Variants in PAK5 observed in about 807,000 individuals in gnomAD.
The protein encoded by PAK5 is p21 (RAC1) activated kinase 5.
PAK5 carries 16 observed loss-of-function variants against 65.9 expected under a neutral mutation model. That is an observed-to-expected ratio of 0.24 (90% CI 0.16 to 0.37). The LOEUF (loss-of-function observed/expected upper bound fraction) is 0.37, where lower values mean the gene tolerates loss of function less well. Ranked by LOEUF, PAK5 falls within the 10% of genes least tolerant of loss-of-function variation. The pLI, the probability that PAK5 is intolerant of heterozygous loss-of-function variation, is 1.00. For synonymous variants in PAK5, 371 were observed against 354.9 expected, an observed-to-expected ratio of 1.05 and a Z score of -0.51; for missense variants, 785 against 903.9, an observed-to-expected ratio of 0.87 and a Z score of 1.69.
At chr20:9,610,613 C>A (rs1279999605) in intron 3 of PAK5, among the ~76,000 whole-genome samples, 2 of 152,208 alleles carry the variant, frequency 1.3e-5, no homozygotes, top group African/African-American at 4.8e-5. Flanking sequence ...GATCCTAAGG[C>A]ATTTCCTTTT....
chr20:9,666,596 GTGGCCTTCTTACTTC>G (rs2047422816), intron 2 of PAK5, among the ~76,000 whole-genome samples: 1 of 152,098 alleles, frequency 6.6e-6, no homozygotes, highest in Non-Finnish European at 1.5e-5. Flanking sequence ...TGTTCTCCAA[GTGGCCTTCTTACTTC>G]TGGCTACAAT....
intron 3 of PAK5, among the ~76,000 whole-genome samples, chr20:9,631,532 T>C (rs1235606272): frequency 6.6e-6 from 1 of 152,204 alleles, no homozygotes; most frequent in Non-Finnish European, 1.5e-5. Flanking sequence ...TGGAAGTGGA[T>C]TCTTCCCCAT....
intron 3 of PAK5, among the ~76,000 whole-genome samples, chr20:9,615,899 A>G (rs1402740091): frequency 6.6e-6 from 1 of 152,200 alleles, no homozygotes; most frequent in Non-Finnish European, 1.5e-5. Context: ...AGGCCTCTCC[A>G]GCATGGAGTT....
At chr20:9,622,734 A>ATGCC (rs2046788109) in intron 3 of PAK5, among the ~76,000 whole-genome samples, 3 of 152,172 alleles carry the variant, frequency 2.0e-5, no homozygotes, top group Non-Finnish European at 4.4e-5. Context: ...TGTGCTCCTT[A>ATGCC]TGAGAATCTA....
chr20:9,564,001 G>A (rs1398778902), intron 5 of PAK5, among the ~76,000 whole-genome samples: 1 of 152,148 alleles, frequency 6.6e-6, no homozygotes, highest in Non-Finnish European at 1.5e-5. Context: ...GAGAATGGGA[G>A]TCCTTACAAT....
intron 1 of PAK5, among the ~76,000 whole-genome samples, chr20:9,829,243 C>A (rs4816180): frequency 6.6e-6 from 1 of 152,132 alleles, no homozygotes; most frequent in South Asian, 2.1e-4. Flanking sequence ...GAAATCTGCA[C>A]GAACAGAAAT....
chr20:9,586,304 T>C (rs544460209), intron 3 of PAK5, among the ~76,000 whole-genome samples: 15 of 152,292 alleles, frequency 9.8e-5, no homozygotes, highest in African/African-American at 3.1e-4. Context: ...AAGAGCATTA[T>C]TGAACACCTC....
intron 3 of PAK5, among the ~76,000 whole-genome samples, chr20:9,583,827 CCTT>C (rs2046022343): frequency 6.6e-6 from 1 of 152,174 alleles, no homozygotes; most frequent in Non-Finnish European, 1.5e-5. Context: ...TGTTTTCTGT[CCTT>C]ATTGTTTTGT....
At chr20:9,833,092 G>A (rs1001039445) in intron 1 of PAK5, among the ~76,000 whole-genome samples, 2 of 152,092 alleles carry the variant, frequency 1.3e-5, no homozygotes, top group Non-Finnish European at 2.9e-5. Flanking sequence ...TTCTAGCTTT[G>A]TTTTCCACCT....
rs759858718 is a variant in PAK5 at position 9,542,619 on chromosome 20, G to A, written c.1971C>T (p.Asp657=). ...GGTCCTTCACTCTTGGAGGTAAACT[G>A]TCCCGGATCCTCCGCATCGCCTGGA... The part of the protein sequence containing the change: ...PPLQAMRRIR[D]SLPPRVKDLH... The change falls in exon 9 of 10, where the codon GAC becomes GAT. Residue 657 remains aspartate, a synonymous_variant. Transcript: ENST00000353224. The A allele has an allele frequency of 6.2e-7, 1 of 1,613,838 alleles. No homozygotes were observed. The highest frequency in any genetic ancestry group is 1.1e-5 in the South Asian group (1 of 91,066).
chr20:9,642,877 A>G (rs1222747032), intron 3 of PAK5, among the ~76,000 whole-genome samples: 1 of 152,142 alleles, frequency 6.6e-6, no homozygotes, highest in Non-Finnish European at 1.5e-5. Context: ...AGAAAATCAA[A>G]CTCACAAAAT....
At chr20:9,709,597 A>C (rs930030885) in intron 2 of PAK5, among the ~76,000 whole-genome samples, 2 of 152,146 alleles carry the variant, frequency 1.3e-5, no homozygotes, top group South Asian at 2.1e-4. Flanking sequence ...ATTATCCAGC[A>C]CTGTATAATT....
intron 3 of PAK5, among the ~76,000 whole-genome samples, chr20:9,631,334 C>T (rs1476242638): frequency 6.6e-6 from 1 of 152,170 alleles, no homozygotes; most frequent in Non-Finnish European, 1.5e-5. Flanking sequence ...GATGGAATGT[C>T]ACTCTCATGG....
intron 1 of PAK5, among the ~76,000 whole-genome samples, chr20:9,831,171 T>C (rs1978682844): frequency 6.6e-6 from 1 of 152,222 alleles, no homozygotes; most frequent in Non-Finnish European, 1.5e-5. Context: ...GACCTGGAAC[T>C]GACTAGCTTC....
At chr20:9,632,189 A>C (rs920417036) in intron 3 of PAK5, among the ~76,000 whole-genome samples, 8 of 152,184 alleles carry the variant, frequency 5.3e-5, no homozygotes, top group Middle Eastern at 3.2e-3. Flanking sequence ...CATTATATAG[A>C]ATTTCCCAGC....
intron 7 of PAK5, among the ~76,000 whole-genome samples, chr20:9,549,819 G>T (rs948817061): frequency 6.6e-6 from 1 of 152,116 alleles, no homozygotes; most frequent in African/African-American, 2.4e-5. Context: ...ATAATTGACA[G>T]TTCTCCTACC....
chr20:9,608,918 AAAAGGAAAACCTTAG>A (rs1386572878), intron 3 of PAK5, among the ~76,000 whole-genome samples: 1 of 152,250 alleles, frequency 6.6e-6, no homozygotes, highest in African/African-American at 2.4e-5. Context: ...AAAAGAAGAG[AAAAGGAAAACCTTAG>A]AAATGAAGGA....
At chr20:9,717,083 T>TAAAAAAAAA (rs2048156438) in intron 1 of PAK5, among the ~76,000 whole-genome samples, 2 of 131,426 alleles carry the variant, frequency 1.5e-5, no homozygotes, top group African/African-American at 6.7e-5. Flanking sequence ...AGAACTTATC[T>TAAAAAAAAA]CAAAAAAAAA....
intron 1 of PAK5, among the ~76,000 whole-genome samples, chr20:9,778,108 G>A (rs1182468969): frequency 1.3e-5 from 2 of 152,104 alleles, no homozygotes; most frequent in South Asian, 2.1e-4. Context: ...TGTGTTTATT[G>A]TTATTTTTAA....
Sources: gnomAD v4.1 joint callset for allele counts (sites outside exome capture counted in the v4.1 genomes callset) on GRCh38, gnomAD v4.1.1 for gene constraint, MANE v1.5 for transcripts, NCBI Gene and HGNC (gene_info 2026-07-23, HGNC 2026-07-21) for gene names.